Variants in PFKM observed in about 807,000 individuals in gnomAD.
PFKM encodes the protein ATP-dependent 6-phosphofructokinase, muscle type.
Under a neutral mutation model 95.5 loss-of-function variants are expected in PFKM, and 58 were observed. That is an observed-to-expected ratio of 0.61 (90% CI 0.49 to 0.76). PFKM has a LOEUF of 0.76. PFKM is among the 30% of genes least tolerant of loss of function. The probability of loss-of-function intolerance (pLI) is 0.00; values close to 1 mark genes in which losing one functional copy is unlikely to be tolerated. For synonymous variants in PFKM, 336 were observed against 357.2 expected (o/e 0.94, Z 0.67); for missense variants, 678 against 1,005.4 (o/e 0.67, Z 4.40).
chr12:48,121,095 T>C (rs990311034), intron 1 of PFKM, among the ~76,000 whole-genome samples: 1 of 152,206 alleles, frequency 6.6e-6, no homozygotes, highest in Non-Finnish European at 1.5e-5. Flanking sequence ...TGATCCAGTT[T>C]AGACAACATG....
chr12:48,123,008 A>G, intron 2 of PFKM, 149 bp downstream of exon 2: 1 of 684,522 alleles, frequency 1.5e-6, no homozygotes, highest in East Asian at 2.7e-5. Context: ...CCTCAAGTGC[A>G]TTTGAATTTT....
chr12:48,134,856 G>A, intron 8 of PFKM, 27 bp downstream of exon 8: 1 of 1,600,156 alleles, frequency 6.2e-7, no homozygotes, highest in South Asian at 1.1e-5. Context: ...TTGCCCTTAA[G>A]AAATCCCTCA....
intron 13 of PFKM, among the ~76,000 whole-genome samples, chr12:48,140,266 G>T (rs1411785961): frequency 6.6e-6 from 1 of 152,162 alleles, no homozygotes; most frequent in Non-Finnish European, 1.5e-5. Flanking sequence ...CTGGAGTAGT[G>T]GTTCTCAATA....
chr12:48,125,320 T>G, intron 2 of PFKM: 1 of 450,524 alleles, frequency 2.2e-6, no homozygotes, highest in Non-Finnish European at 4.5e-6. Context: ...ATTTTTTTTT[T>G]TAAGAGATGG....
Position 48,131,326 on chromosome 12 carries a change from G to T in PFKM, c.170G>T (p.Gly57Val). 6.2e-7 allele frequency: 1 copy of T among 1,611,464 alleles called. No individual in the cohort carries two copies. The highest frequency in any genetic ancestry group is 8.5e-7 in the Non-Finnish European group (1 of 1,177,598). Residue 57 changes from glycine (G) to valine (V), a missense_variant, in exon 4 of 23, where the codon GGC (glycine) becomes GTC (valine). By Grantham distance (109) the Gly-to-Val change is moderately radical. Coordinates refer to ENST00000359794, the MANE Select transcript of PFKM (RefSeq NM_000289.6). ...TAATGTGTCACACAGGGTTATCAAG[G>T]CCTGGTGGATGGTGGAGATCACATC... ...RVFFVHEGYQ[G>V]LVDGGDHIKE... is the part of the protein sequence containing the mutation.
exon 1 of PFKM, chr12:48,106,040 G>C (rs898185606): frequency 1.4e-6 from 1 of 701,956 alleles, no homozygotes. Context: ...AACCGGAACC[G>C]GCTGCCATGC....
chr12:48,123,320 C>T (rs1459764278), intron 2 of PFKM, among the ~76,000 whole-genome samples: 5 of 152,134 alleles, frequency 3.3e-5, no homozygotes, highest in Middle Eastern at 3.2e-3. Flanking sequence ...GTCAGGCACT[C>T]GGTTTTCTCT....
chr12:48,141,221 G>A (rs558425386), intron 14 of PFKM, 90 bp from the exon 15 acceptor site: 60 of 1,213,906 alleles, frequency 4.9e-5, no homozygotes, highest in African/African-American at 4.0e-4. Flanking sequence ...GGATCCAGGG[G>A]TAGGGTTAGA....
chr12:48,106,399 G>C, intron 1 of PFKM: 1 of 465,404 alleles, frequency 2.1e-6, no homozygotes, highest in Non-Finnish European at 3.8e-6. Flanking sequence ...AGTTTTGCTT[G>C]CTTGCGTTCC....
In PFKM at chr12:48,140,735, C is replaced by T. The variant is rs1198042487; in HGVS notation, c.1205C>T (p.Thr402Ile). ...RPPVSKSGSHTVAVMNVGAPA... is the reference protein window; with the variant it reads ...RPPVSKSGSHIVAVMNVGAPA... ...CCTCCTGTATAGAGTGGTTCGCACA[C>T]AGTGGCTGTGATGAACGTGGGGGCT... Residue 402 changes from threonine (T) to isoleucine (I), a missense_variant, in exon 14 of 23, where the codon ACA becomes ATA. By Grantham distance (89) the Thr-to-Ile change is moderately conservative (BLOSUM62 -1). Transcript: ENST00000359794. 6.2e-7 allele frequency: 1 copy of T among 1,614,188 alleles called. No homozygotes were observed. The highest frequency in any genetic ancestry group is 8.5e-7 in the Non-Finnish European group (1 of 1,180,030).
At chr12:48,140,310 T>C (rs913271332) in intron 13 of PFKM, among the ~76,000 whole-genome samples, 2 of 152,232 alleles carry the variant, frequency 1.3e-5, no homozygotes, top group Non-Finnish European at 2.9e-5. Flanking sequence ...GGGTTGCTTA[T>C]TAAACATGCA....
chr12:48,115,239 G>A (rs1036682472), upstream of PFKM, among the ~76,000 whole-genome samples: 2 of 152,250 alleles, frequency 1.3e-5, no homozygotes, highest in Non-Finnish European at 1.5e-5. Context: ...CCGGGTCTTC[G>A]GCACCAAATG....
At chr12:48,119,356 C>G, upstream of PFKM, 2 of 985,626 alleles carry the variant, frequency 2.0e-6, no homozygotes, top group Non-Finnish European at 2.4e-6. Flanking sequence ...CCCCCCTTTC[C>G]CAAGGACAAT....
chr12:48,139,265 T>C lies in PFKM; in HGVS notation c.1063-20T>C. ...AATCCTGACCCTGGAGTTGAAACTG[T>C]CGCTGTGCTCCCCCCTCAGACCAAA... On this transcript the variant is annotated intron_variant, in intron 11 of 22. Transcript: ENST00000359794. The C allele has an allele frequency of 6.2e-7, 1 of 1,606,588 alleles. No homozygotes were observed. Among genetic ancestry groups the C allele is most frequent in the Admixed American group, 1.7e-5 (1 of 59,996 alleles).
At chr12:48,108,968 T>A (rs912062185) in intron 3 of PFKM, among the ~76,000 whole-genome samples, 6 of 152,348 alleles carry the variant, frequency 3.9e-5, no homozygotes, top group Non-Finnish European at 7.3e-5. Context: ...ATAATTTCAT[T>A]AAAGTAACAA....
At position 48,134,739 on chromosome 12, in the gene PFKM, C is replaced by G; in HGVS notation, c.657C>G (p.Thr219=). 1 of 1,613,650 alleles carries G rather than the reference C, an allele frequency of 6.2e-7. No homozygotes were observed. The highest frequency in any genetic ancestry group is 1.3e-5 in the African/African-American group (1 of 75,038). Residue 219 remains threonine (T), a synonymous_variant, in exon 8 of 23, where the codon ACC becomes ACG. Coordinates refer to ENST00000359794, the MANE Select transcript of PFKM (RefSeq NM_000289.6). The part of the protein sequence containing the change: ...GRHCGYLALV[T]SLSCGADWVF... Reference sequence around the variant, plus strand: ...ATCTCAGATACCTGGCCCTTGTCACCTCTCTGTCCTGTGGGGCCGACTGGG... The same window carrying G: ...ATCTCAGATACCTGGCCCTTGTCACGTCTCTGTCCTGTGGGGCCGACTGGG...
In PFKM at chr12:48,137,856, G is replaced by T. The variant is rs754698940; in HGVS notation, c.1062+10G>T. The T allele has an allele frequency of 6.2e-7, 1 of 1,614,124 alleles. No individual in the cohort carries two copies. Among genetic ancestry groups the T allele is most frequent in the Non-Finnish European group, 8.5e-7 (1 of 1,179,954 alleles). On this transcript the variant is annotated intron_variant, in intron 11 of 22. Coordinates refer to ENST00000359794, the MANE Select transcript of PFKM (RefSeq NM_000289.6). Reference sequence around the variant, plus strand: ...GGAATGTGTCCAGGTGGTAAGTACTGATCCTAAACCCCTTTCTTAACACTC... The same window carrying T: ...GGAATGTGTCCAGGTGGTAAGTACTTATCCTAAACCCCTTTCTTAACACTC...
intron 7 of PFKM, 50 bp from the exon 8 acceptor site, chr12:48,134,671 C>A: frequency 7.9e-7 from 1 of 1,259,478 alleles, no homozygotes; most frequent in Non-Finnish European, 1.2e-6. Flanking sequence ...ATGGGTGAGG[C>A]TATTTGTAGA....
Position 48,130,383 on chromosome 12 carries a change from G to A in PFKM, c.106G>A (p.Ala36Thr), listed in dbSNP as rs1949345783. The A allele has an allele frequency of 6.2e-7, 1 of 1,613,932 alleles. No individual in the cohort carries two copies. Among genetic ancestry groups the A allele is most frequent in the Non-Finnish European group, 8.5e-7 (1 of 1,179,810 alleles). ...TTCAGGTATGAATGCTGCTGTCAGGGCTGTGGTTCGAGTTGGTATCTTCAC... is the reference window on the plus strand; with the variant it reads ...TTCAGGTATGAATGCTGCTGTCAGGACTGTGGTTCGAGTTGGTATCTTCAC... ...DAQGMNAAVR[A>T]VVRVGIFTGA... Residue 36 changes from alanine (A) to threonine (T), a missense_variant, in exon 3 of 23, where the codon GCT becomes ACT. By Grantham distance (58) the Ala-to-Thr change is moderately conservative. Transcript: ENST00000359794.
Sources: gnomAD v4.1 joint callset for allele counts (sites outside exome capture counted in the v4.1 genomes callset) on GRCh38, gnomAD v4.1.1 for gene constraint, MANE v1.5 for transcripts, NCBI Gene and HGNC (gene_info 2026-07-23, HGNC 2026-07-21) for gene names.